The following ELMO1 variants were observed in gnomAD, a reference collection of about 807,000 sequenced individuals.
The protein encoded by ELMO1 is engulfment and cell motility protein 1.
Under a neutral mutation model 98.9 loss-of-function variants are expected in ELMO1, and 26 were observed. The observed-to-expected ratio is 0.26, with a 90% CI of 0.19 to 0.36. ELMO1 has a LOEUF of 0.36. ELMO1 is among the 10% of genes least tolerant of loss of function. The pLI is 1.00. For synonymous variants in ELMO1, 346 were observed against 346.0 expected, an observed-to-expected ratio of 1.00 and a Z score of 0.00; for missense variants, 627 against 935.2, an observed-to-expected ratio of 0.67 and a Z score of 4.30.
chr7:37,246,510 G>T (rs527986547), intron 6 of ELMO1, among the ~76,000 whole-genome samples: 1 of 152,094 alleles, frequency 6.6e-6, no homozygotes, highest in Non-Finnish European at 1.5e-5. Flanking sequence ...TCAACAGGAC[G>T]AAATGGGGGA....
intron 14 of ELMO1, among the ~76,000 whole-genome samples, chr7:37,119,773 T>C (rs1276487254): frequency 1.3e-5 from 2 of 152,172 alleles, no homozygotes; most frequent in Non-Finnish European, 2.9e-5. Flanking sequence ...CACGAAAACA[T>C]TGTGATTAAT....
At chr7:37,182,494 G>C (rs373068187) in intron 13 of ELMO1, among the ~76,000 whole-genome samples, 2 of 138,756 alleles carry the variant, frequency 1.4e-5, no homozygotes, top group Non-Finnish European at 3.0e-5. Flanking sequence ...TTTTTGAGAC[G>C]GAGTCTCGCT....
intron 15 of ELMO1, among the ~76,000 whole-genome samples, chr7:37,079,593 C>G (rs73346393): frequency 0.2 from 30,540 of 152,102 alleles, 3,727 homozygotes; most frequent in African/African-American, 0.34. Flanking sequence ...TCTCCTCCCC[C>G]ACTCCGGTGA....
At chr7:37,003,270 C>A (rs1252838093) in intron 16 of ELMO1, among the ~76,000 whole-genome samples, 1 of 152,150 alleles carries the variant, frequency 6.6e-6, no homozygotes, top group African/African-American at 2.4e-5. Context: ...CACCTTTAAT[C>A]CCGGGTACTC....
chr7:37,011,315 G>A (rs530134507), intron 16 of ELMO1, among the ~76,000 whole-genome samples: 1 of 152,260 alleles, frequency 6.6e-6, no homozygotes, highest in Admixed American at 6.5e-5. Flanking sequence ...AGGGACCCTA[G>A]AGCTATGGTC....
rs1190053217 is a variant in ELMO1, at chr7:37,096,625, C to T, written c.1294G>A (p.Glu432Lys). The change falls in exon 15 of 22, where the codon GAG becomes AAG. Residue 432 changes from glutamate to lysine, a missense_variant. Around this residue, in one of 3 missense-constraint regions of ELMO1, gnomAD observed 492 missense variants for 715.6 expected, o/e 0.69. Transcript: ENST00000310758. ...GGGAAATAAGTATACTTACGCAACT[C>T]GCCCACTTTCAAGATCTCACATAGC... ...KMLCEILKVG[E>K]LPSETCNDFH... 3.7e-6 allele frequency: 6 copies of T among 1,613,876 alleles called. No homozygotes were observed. The highest frequency in any genetic ancestry group is 1.7e-5 in the Admixed American group (1 of 60,000).
At chr7:37,438,431 CAAA>C (rs543852959) in intron 1 of ELMO1, among the ~76,000 whole-genome samples, 15 of 122,544 alleles carry the variant, frequency 1.2e-4, no homozygotes, top group Non-Finnish European at 8.5e-5. Flanking sequence ...ACTAAAAATA[CAAA>C]AAAAAAAAAA....
Position 37,288,897 on chromosome 7 carries a change from C to T in ELMO1, c.193-17015G>A, listed in dbSNP as rs150656844. Among the ~76,000 whole-genome samples, 232 of 152,348 alleles carry T rather than the reference C, an allele frequency of 1.5e-3. 1 individual carries two copies. Among genetic ancestry groups the T allele is most frequent in the African/African-American group, 5.4e-3 (226 of 41,576 alleles). ...CTATATTCTATGGCCAAGCACTTAGCAGGGTAAACCAAAGCAGCAACACCT... is the reference window on the plus strand; with the variant it reads ...CTATATTCTATGGCCAAGCACTTAGTAGGGTAAACCAAAGCAGCAACACCT... On this transcript the variant is annotated intron_variant, in intron 4 of 21. Coordinates refer to ENST00000310758, the MANE Select transcript of ELMO1 (RefSeq NM_014800.11).
chr7:37,123,349 C>T (rs1786233134), intron 14 of ELMO1, among the ~76,000 whole-genome samples: 1 of 152,136 alleles, frequency 6.6e-6, no homozygotes, highest in Non-Finnish European at 1.5e-5. Context: ...AATCCAGGAG[C>T]TGCTTTTTTG....
At chr7:37,112,905 T>C (rs1785335382) in intron 14 of ELMO1, among the ~76,000 whole-genome samples, 1 of 152,218 alleles carries the variant, frequency 6.6e-6, no homozygotes, top group Non-Finnish European at 1.5e-5. Flanking sequence ...AATTTTATTA[T>C]ACCAATACAA....
At chr7:37,197,675 A>G (rs959352739) in intron 13 of ELMO1, among the ~76,000 whole-genome samples, 1 of 152,248 alleles carries the variant, frequency 6.6e-6, no homozygotes, top group African/African-American at 2.4e-5. Flanking sequence ...ACTGGATCAC[A>G]GGACTCTTAA....
intron 2 of ELMO1, among the ~76,000 whole-genome samples, chr7:37,331,638 G>A (rs1043499264): frequency 1.4e-4 from 22 of 152,016 alleles, no homozygotes; most frequent in African/African-American, 5.3e-4. Context: ...AACACACACC[G>A]ATGTTTAAGC....
At position 37,230,138 on chromosome 7, in the gene ELMO1, C is replaced by T. The variant is rs1794088102; in HGVS notation, c.549+2957G>A. ...TGCTTCCAAGCAAATTTTATTCATT[C>T]ATTTCACAGAAATGTATTAAGACCT... On this transcript the variant is annotated intron_variant, in intron 8 of 21. Transcript: ENST00000310758. Among the ~76,000 whole-genome samples, 5 of 152,058 alleles carry T rather than the reference C, an allele frequency of 3.3e-5. No individual in the cohort carries two copies. The South Asian group carries it at 1.0e-3, about 32-fold the overall frequency.
chr7:37,121,688 T>C (rs978266317), intron 14 of ELMO1, among the ~76,000 whole-genome samples: 2 of 152,194 alleles, frequency 1.3e-5, no homozygotes, highest in South Asian at 2.1e-4. Flanking sequence ...TGGAACCAAG[T>C]TGGAAAACAC....
intron 14 of ELMO1, among the ~76,000 whole-genome samples, chr7:37,114,511 T>TG (rs1204346490): frequency 2.0e-5 from 3 of 152,266 alleles, no homozygotes; most frequent in African/African-American, 4.8e-5. Flanking sequence ...TGGGTTGCCT[T>TG]ATCAAGGCAA....
At chr7:37,250,715 C>T (rs1023479822) in intron 6 of ELMO1, among the ~76,000 whole-genome samples, 4 of 141,958 alleles carry the variant, frequency 2.8e-5, no homozygotes, top group Admixed American at 7.5e-5. Context: ...TGGCATGAAC[C>T]GGGGAGGCGG....
intron 16 of ELMO1, chr7:37,001,973 T>C (rs1312732598): frequency 6.6e-6 from 1 of 152,218 alleles, no homozygotes; most frequent in Admixed American, 6.5e-5. Context: ...AGCTGGGAGA[T>C]AAGTTGGTGT....
At chr7:37,102,969 A>G (rs17170881) in intron 14 of ELMO1, among the ~76,000 whole-genome samples, 10,173 of 152,296 alleles carry the variant, frequency 0.067, 397 homozygotes, top group Middle Eastern at 0.13. Context: ...TATTTCTAAC[A>G]GACAAAGTCT....
At chr7:37,193,291 G>A (rs568072968) in intron 13 of ELMO1, among the ~76,000 whole-genome samples, 12 of 152,252 alleles carry the variant, frequency 7.9e-5, no homozygotes, top group South Asian at 2.1e-4. Flanking sequence ...GTGGGGCTAC[G>A]CAGCCCAACC....
Sources: gnomAD v4.1 joint callset for allele counts (sites outside exome capture counted in the v4.1 genomes callset) on GRCh38, gnomAD v4.1.1 for gene constraint, gnomAD v4.1.1 regional missense constraint, MANE v1.5 for transcripts, NCBI Gene and HGNC (gene_info 2026-07-23, HGNC 2026-07-21) for gene names.